The following MGAM variants were observed in gnomAD, a reference collection of about 807,000 sequenced individuals.
MGAM encodes maltase-glucoamylase, also known as alpha-1,4-glucosidase.
A neutral mutation model predicts 358.8 loss-of-function variants in MGAM; 253 were observed. That is an observed-to-expected ratio of 0.71 (90% CI 0.64 to 0.78). The LOEUF (loss-of-function observed/expected upper bound fraction) is 0.78, where lower values mean the gene tolerates loss of function less well. Among genes scored for constraint, MGAM ranks in the 30% least tolerant of loss-of-function variants. The pLI is 0.00. For synonymous variants in MGAM, 1,105 were observed against 1,227.1 expected (o/e 0.90, Z 2.08); for missense variants, 3,080 against 3,432.6 (o/e 0.90, Z 2.57).
intron 3 of MGAM, among the ~76,000 whole-genome samples, chr7:142,012,179 C>A (rs781829388): frequency 6.6e-6 from 1 of 152,146 alleles, no homozygotes; most frequent in African/African-American, 2.4e-5. Flanking sequence ...TCTGGTTCCA[C>A]CTTTTTTGTT....
At chr7:142,040,227 A>G (rs900938767) in intron 20 of MGAM, 56 bp downstream of exon 20, 2 of 1,340,012 alleles carry the variant, frequency 1.5e-6, no homozygotes, top group East Asian at 4.6e-5. Context: ...AGCTGCATAG[A>G]CAAGCTACCT....
In MGAM at chr7:142,068,076, T is replaced by A. The variant is rs1187146748; in HGVS notation, c.5005-571T>A. Among the ~76,000 whole-genome samples the A allele has an allele frequency of 2.5e-5, 3 of 118,392 alleles. 1 individual carries two copies. The highest frequency in any genetic ancestry group is 5.8e-5 in the Non-Finnish European group (3 of 51,950). 77.7% of individuals were successfully genotyped at this position (118,392 alleles called of 152,430 possible). On this transcript the variant is annotated intron_variant, in intron 42 of 70. Coordinates refer to ENST00000475668, the MANE Select transcript of MGAM (RefSeq NM_001365693.1). ...GATCTTGGCTCATTCAACCTCTGCC[T>A]CCTGGGTTCTAGTGATTCTCTTGCC...
intron 3 of MGAM, 133 bp from the exon 4 acceptor site, chr7:142,019,066 T>C: frequency 2.6e-6 from 3 of 1,167,532 alleles, no homozygotes; most frequent in Non-Finnish European, 2.4e-6. Flanking sequence ...TGGCACAATT[T>C]ATCTAAATGT....
chr7:142,009,450 A>G lies in MGAM; in HGVS notation c.327+745A>G, dbSNP rs369783226. On this transcript the variant is annotated intron_variant, in intron 3 of 70. Transcript: ENST00000475668. ...TGAGCTGTACTCAATAGCTCACTCA[A>G]GCTGTACTCAATAGCTCACTCATTA... is the stretch of plus-strand genomic sequence containing the variant. Among the ~76,000 whole-genome samples, 7 of 152,124 alleles carry G rather than the reference A, an allele frequency of 4.6e-5. No individual in the cohort carries two copies. The South Asian group carries it at 6.4e-4, about 14-fold the overall frequency.
rs370491683 is a variant in MGAM, at chr7:142,040,099, A to T, written c.2317-16A>T. ...TTTTATTTCCCTCAGGGGACACTACATTTTTTTAATTTCAGGGTGCAGAGA... is the reference window on the plus strand; with the variant it reads ...TTTTATTTCCCTCAGGGGACACTACTTTTTTTTAATTTCAGGGTGCAGAGA... On this transcript the variant is annotated splice_polypyrimidine_tract_variant and intron_variant, in intron 19 of 70. Transcript: ENST00000475668. The T allele has an allele frequency of 6.9e-6, 11 of 1,599,846 alleles. No homozygotes were observed. The highest frequency in any genetic ancestry group is 5.1e-5 in the Admixed American group (3 of 59,346).
chr7:142,041,710 C>A (rs778086068), intron 21 of MGAM, among the ~76,000 whole-genome samples: 5 of 150,078 alleles, frequency 3.3e-5, no homozygotes, highest in African/African-American at 4.9e-5. Context: ...ATGTATTTTA[C>A]AACATTTGGG....
At chr7:142,001,658 A>G (rs1804749141) in intron 1 of MGAM, among the ~76,000 whole-genome samples, 1 of 152,158 alleles carries the variant, frequency 6.6e-6, no homozygotes, top group African/African-American at 2.4e-5. Flanking sequence ...TGCATGAGTC[A>G]TCCAACACAC....
At position 142,078,966 on chromosome 7, in the gene MGAM, C is replaced by T; in HGVS notation, c.5805C>T (p.Arg1935=). ...AFPSTPVNPL[R]LDVTYHKNEM... is the part of the protein sequence containing the mutation. ...CTTCCACACCCGTGAACCCCCTTCG[C>T]CTGGATGTCACTTACCATAAGAATG... Residue 1935 remains arginine (R), a synonymous_variant, in exon 49 of 71, where the codon CGC becomes CGT. Transcript: ENST00000475668. 1 of 1,555,876 alleles carries T rather than the reference C, an allele frequency of 6.4e-7. No individual in the cohort carries two copies.
rs753899293 is a variant in MGAM at position 142,097,636 on chromosome 7, A to G, written c.7736A>G (p.Tyr2579Cys). The change falls in exon 66 of 71, where the codon TAT (tyrosine) becomes TGT (cysteine). Residue 2579 changes from tyrosine (Y) to cysteine (C), a missense_variant. By Grantham distance (194) the Tyr-to-Cys change is radical. Around this residue, in one of 5 missense-constraint regions of MGAM, gnomAD observed 932 missense variants for 1,198.2 expected, o/e 0.78. Transcript: ENST00000475668. ...GCATATTTCCCTAGAGCCCGCTGGT[A>G]TGATTACTACACGGTAAGTTTTTCT... ...VTAYFPRARW[Y>C]DYYTGVDINA... 4 of 1,609,986 alleles carry G rather than the reference A, an allele frequency of 2.5e-6. No individual in the cohort carries two copies. The highest frequency in any genetic ancestry group is 2.2e-5 in the East Asian group (1 of 44,874).
chr7:142,048,309 T>C (rs1810593175), intron 22 of MGAM, among the ~76,000 whole-genome samples: 1 of 151,564 alleles, frequency 6.6e-6, no homozygotes, highest in Admixed American at 6.6e-5. Context: ...CCACCATGCC[T>C]GGCTAATTTT....
intron 22 of MGAM, among the ~76,000 whole-genome samples, chr7:142,048,115 T>TTTTA (rs58194410): frequency 0.026 from 2,641 of 102,376 alleles, 81 homozygotes; most frequent in African/African-American, 0.073. Flanking sequence ...ATAATAGGCT[T>TTTTA]TTTATTTATT....
chr7:142,093,842 G>T (rs73534468), intron 60 of MGAM, among the ~76,000 whole-genome samples: 1,545 of 145,914 alleles, frequency 0.011, 70 homozygotes, highest in African/African-American at 0.035. Flanking sequence ...GCAGCCGGTG[G>T]TACAACAGCT....
chr7:142,024,171 G>A (rs1412555699), intron 7 of MGAM, among the ~76,000 whole-genome samples: 1 of 151,784 alleles, frequency 6.6e-6, no homozygotes, highest in Non-Finnish European at 1.5e-5. Flanking sequence ...AGAGCTTGCA[G>A]TGAACCGAGA....
upstream of MGAM, among the ~76,000 whole-genome samples, chr7:141,994,928 T>C (rs1441642717): frequency 6.6e-6 from 1 of 152,236 alleles, no homozygotes; most frequent in Non-Finnish European, 1.5e-5. Context: ...CATGTCTTTA[T>C]AGAAGTGTGA....
At chr7:142,004,215 T>A (rs1399784835) in intron 1 of MGAM, among the ~76,000 whole-genome samples, 3 of 151,962 alleles carry the variant, frequency 2.0e-5, no homozygotes, top group African/African-American at 7.2e-5. Context: ...AAAAATAAAT[T>A]GTTTTATCAA....
intron 58 of MGAM, among the ~76,000 whole-genome samples, chr7:142,092,284 T>G (rs1815461257): frequency 6.9e-6 from 1 of 145,894 alleles, no homozygotes; most frequent in South Asian, 2.2e-4. Flanking sequence ...TTCTTGGAAC[T>G]TTCACTGCCT....
chr7:142,022,163 A>C (rs1410297204), intron 6 of MGAM, 105 bp from the exon 7 acceptor site: 10 of 1,053,198 alleles, frequency 9.5e-6, no homozygotes, highest in Non-Finnish European at 1.4e-5. Context: ...GACTGAATGA[A>C]TGGGGGCTAT....
At chr7:142,074,029 C>A in intron 44 of MGAM, 56 bp from the exon 45 acceptor site, 1 of 1,221,958 alleles carries the variant, frequency 8.2e-7, no homozygotes, top group Non-Finnish European at 1.2e-6. Flanking sequence ...ATTCTCAGCC[C>A]AGTTGGCAAA....
intron 57 of MGAM, among the ~76,000 whole-genome samples, chr7:142,090,233 C>T (rs1377762686): frequency 6.9e-6 from 1 of 145,834 alleles, no homozygotes; most frequent in East Asian, 2.0e-4. Context: ...TGGAAGGGGT[C>T]ATCCGAGCAG....
Sources: gnomAD v4.1 joint callset for allele counts (sites outside exome capture counted in the v4.1 genomes callset) on GRCh38, gnomAD v4.1.1 for gene constraint, gnomAD v4.1.1 regional missense constraint, MANE v1.5 for transcripts, NCBI Gene and HGNC (gene_info 2026-07-23, HGNC 2026-07-21) for gene names.